TCF7L2: variants seen among roughly 807,000 people sequenced by gnomAD.
TCF7L2 encodes the protein transcription factor 7-like 2.
A neutral mutation model predicts 77.9 loss-of-function variants in TCF7L2; 23 were observed. The ratio of observed to expected loss-of-function variants is 0.30; its 90% CI spans 0.21 to 0.42. The LOEUF (loss-of-function observed/expected upper bound fraction) is 0.42, where lower values mean the gene tolerates loss of function less well. Among genes scored for constraint, TCF7L2 ranks in the 10% least tolerant of loss-of-function variants. The pLI, the probability that TCF7L2 is intolerant of heterozygous loss-of-function variation, is 1.00. For synonymous variants in TCF7L2, 413 were observed against 340.2 expected, an observed-to-expected ratio of 1.21 and a Z score of -2.36; for missense variants, 654 against 793.1, an observed-to-expected ratio of 0.82 and a Z score of 2.11.
chr10:113,127,053 G>C, intron 5 of TCF7L2: 1 of 426,898 alleles, frequency 2.3e-6, no homozygotes, highest in Middle Eastern at 4.3e-4. Flanking sequence ...TACCTTGACT[G>C]GTAAGCTGCC....
chr10:113,112,128 G>A (rs1194135784), intron 5 of TCF7L2, among the ~76,000 whole-genome samples: 1 of 152,258 alleles, frequency 6.6e-6, no homozygotes, highest in East Asian at 1.9e-4. Context: ...ATGGCAGCAG[G>A]AACATTGGCA....
At chr10:113,008,886 C>CA (rs1323253877) in intron 4 of TCF7L2, among the ~76,000 whole-genome samples, 90 of 152,230 alleles carry the variant, frequency 5.9e-4, no homozygotes, top group African/African-American at 2.0e-3. Context: ...GGTGTGGCCT[C>CA]AAAATTCTGC....
chr10:113,070,757 C>T (rs1034915466), intron 5 of TCF7L2, among the ~76,000 whole-genome samples: 2 of 152,132 alleles, frequency 1.3e-5, no homozygotes, highest in Non-Finnish European at 1.5e-5. Flanking sequence ...AAGGAACCCT[C>T]CTTCTTAAAA....
At chr10:112,999,716 TA>T (rs2044136794) in intron 4 of TCF7L2, among the ~76,000 whole-genome samples, 1 of 152,264 alleles carries the variant, frequency 6.6e-6, no homozygotes. Context: ...TCCTGTTACT[TA>T]ATGGCTGTTG....
chr10:112,986,887 C>T (rs988693103), intron 4 of TCF7L2, among the ~76,000 whole-genome samples: 1 of 152,122 alleles, frequency 6.6e-6, no homozygotes, highest in African/African-American at 2.4e-5. Flanking sequence ...CTGAACAAGT[C>T]CAGCCTGTTT....
intron 5 of TCF7L2, among the ~76,000 whole-genome samples, chr10:113,087,339 G>A (rs890656721): frequency 3.9e-5 from 6 of 152,248 alleles, no homozygotes; most frequent in African/African-American, 1.2e-4. Context: ...TGGTAACTCT[G>A]CCTCTTTGCT....
intron 5 of TCF7L2, among the ~76,000 whole-genome samples, chr10:113,107,032 C>T (rs542833117): frequency 2.0e-4 from 30 of 152,354 alleles, no homozygotes; most frequent in Admixed American, 2.0e-3. Flanking sequence ...GAGCTGTCTT[C>T]TGCCCTTAGC....
At chr10:112,988,436 C>A (rs760474476) in intron 4 of TCF7L2, among the ~76,000 whole-genome samples, 1 of 152,152 alleles carries the variant, frequency 6.6e-6, no homozygotes, top group Admixed American at 6.5e-5. Context: ...TGTACCACTT[C>A]CCTTGGCTCA....
At chr10:113,063,171 T>C (rs2134966683) in intron 5 of TCF7L2, among the ~76,000 whole-genome samples, 1 of 152,268 alleles carries the variant, frequency 6.6e-6, no homozygotes, top group East Asian at 1.9e-4. Context: ...CTTCAAGAAA[T>C]AGCTCTAAGC....
chr10:113,006,705 T>C (rs985220220), intron 4 of TCF7L2, among the ~76,000 whole-genome samples: 4 of 152,258 alleles, frequency 2.6e-5, no homozygotes, highest in African/African-American at 9.6e-5. Flanking sequence ...CATGGGTGTT[T>C]TAATTTTAAT....
rs1247529463 is a variant in TCF7L2, at chr10:113,165,796, C to T, written c.1633C>T (p.His545Tyr). The T allele has an allele frequency of 1.2e-6, 2 of 1,604,984 alleles. No homozygotes were observed. Among genetic ancestry groups the T allele is most frequent in the Non-Finnish European group, 1.7e-6 (2 of 1,175,038 alleles). Reference sequence around the variant, plus strand: ...CGCCCTCCTGCTCGCTGAGGCCACCCACAAGGCCTCCGCCCTCTGTCCCAA... The same window carrying T: ...CGCCCTCCTGCTCGCTGAGGCCACCTACAAGGCCTCCGCCCTCTGTCCCAA... The change falls in exon 14 of 14, where the codon CAC becomes TAC. Residue 545 changes from histidine to tyrosine, a missense_variant. Around this residue, in one of 6 missense-constraint regions of TCF7L2, gnomAD observed 272 missense variants for 215.4 expected, o/e 1.26. Coordinates refer to ENST00000627217, the MANE Select transcript of TCF7L2 (RefSeq NM_001146274.2).
intron 5 of TCF7L2, among the ~76,000 whole-genome samples, chr10:113,092,344 G>A (rs1355968537): frequency 2.0e-5 from 3 of 152,220 alleles, no homozygotes; most frequent in African/African-American, 7.2e-5. Flanking sequence ...TTACCCGACT[G>A]ATCTGTGCTT....
At chr10:113,004,203 T>C (rs2045068515) in intron 4 of TCF7L2, among the ~76,000 whole-genome samples, 1 of 152,104 alleles carries the variant, frequency 6.6e-6, no homozygotes. Flanking sequence ...TAGTGCTGTT[T>C]GGGGCAGGAA....
intron 6 of TCF7L2, 122 bp downstream of exon 6, chr10:113,141,438 G>T (rs1005302392): frequency 2.7e-5 from 38 of 1,406,706 alleles, no homozygotes; most frequent in East Asian, 7.3e-5. Context: ...ACGGTGGTGG[G>T]GGGGCCCCTG....
intron 3 of TCF7L2, 83 bp downstream of exon 3, chr10:112,951,690 C>T (rs1303906862): frequency 1.3e-6 from 1 of 779,384 alleles, no homozygotes; most frequent in Non-Finnish European, 1.6e-6. Flanking sequence ...CCCTGCCCTG[C>T]CCCCTCCCCG....
chr10:113,010,667 A>G (rs1382540405), intron 4 of TCF7L2, among the ~76,000 whole-genome samples: 1 of 152,218 alleles, frequency 6.6e-6, no homozygotes, highest in Non-Finnish European at 1.5e-5. Context: ...TATAAAATGT[A>G]GGAGATATTG....
chr10:113,117,943 G>A (rs1591926012), intron 5 of TCF7L2, among the ~76,000 whole-genome samples: 1 of 152,086 alleles, frequency 6.6e-6, no homozygotes, highest in East Asian at 1.9e-4. Context: ...CACACAAAGC[G>A]GGCACATTAG....
At chr10:113,098,049 C>CAAAAAA (rs34632183) in intron 5 of TCF7L2, among the ~76,000 whole-genome samples, 22 of 59,340 alleles carry the variant, frequency 3.7e-4, no homozygotes, top group East Asian at 5.7e-4. Context: ...GACTCTGTCT[C>CAAAAAA]AAAAAAAAAA....
chr10:113,100,067 T>C (rs1256066300), intron 5 of TCF7L2, among the ~76,000 whole-genome samples: 1 of 152,216 alleles, frequency 6.6e-6, no homozygotes, highest in Non-Finnish European at 1.5e-5. Context: ...AGTCAGGTCA[T>C]CCGTGACTTA....
Sources: allele counts gnomAD v4.1 joint callset (sites outside exome capture counted in the v4.1 genomes callset), GRCh38; gene constraint gnomAD v4.1.1; regional missense constraint gnomAD v4.1.1; transcripts MANE v1.5; gene names NCBI Gene and HGNC (gene_info 2026-07-23, HGNC 2026-07-21).